Variants in STON2 observed in about 807,000 individuals in gnomAD.
STON2 encodes stonin 2.
A neutral mutation model predicts 65.7 loss-of-function variants in STON2; 29 were observed. That is an observed-to-expected ratio of 0.44 (90% CI 0.33 to 0.60). The LOEUF (loss-of-function observed/expected upper bound fraction) is 0.60. Ranked by LOEUF, STON2 falls within the 20% of genes least tolerant of loss-of-function variation. The pLI is 0.03. For synonymous variants in STON2, 404 were observed against 414.2 expected (o/e 0.98, Z 0.30); for missense variants, 1,054 against 1,118.1 (o/e 0.94, Z 0.82).
At chr14:81,283,617 G>A (rs921198585) in intron 5 of STON2, among the ~76,000 whole-genome samples, 13 of 145,392 alleles carry the variant, frequency 8.9e-5, no homozygotes, top group African/African-American at 3.1e-4. Context: ...TGCAAGTTCC[G>A]CCTCCCGGGT....
rs1281702304 is a variant in STON2, at chr14:81,363,122, A to G, written c.571+7866T>C. Reference sequence around the variant, plus strand: ...AGCCCAGGAAAGAGACTTGGGTTGAATCCCAACTACCCTTTTTATTTGTGT... The same window carrying G: ...AGCCCAGGAAAGAGACTTGGGTTGAGTCCCAACTACCCTTTTTATTTGTGT... On this transcript the variant is annotated intron_variant, in intron 4 of 7. Coordinates refer to ENST00000614646, the MANE Select transcript of STON2 (RefSeq NM_001394390.1). Among the ~76,000 whole-genome samples, 3 of 152,326 alleles carry G rather than the reference A, an allele frequency of 2.0e-5. No individual in the cohort carries two copies. The East Asian group carries it at 5.8e-4, about 29-fold the overall frequency.
chr14:81,389,535 G>A (rs1232357812), intron 3 of STON2, among the ~76,000 whole-genome samples: 1 of 152,198 alleles, frequency 6.6e-6, no homozygotes, highest in Non-Finnish European at 1.5e-5. Context: ...AAATTGATGG[G>A]CAAATCATTT....
rs559661737 is a variant in STON2, at chr14:81,315,963, C to A, written c.742+8054G>T. On this transcript the variant is annotated intron_variant, in intron 5 of 7. Coordinates refer to ENST00000614646, the MANE Select transcript of STON2 (RefSeq NM_001394390.1). ...TAACCAGCTTATCTATCAGTTGGAG[C>A]AGACCCTATATTTTCTGGGCCATTA... is the stretch of plus-strand genomic sequence containing the variant. Among the ~76,000 whole-genome samples, 12 of 152,294 alleles carry A rather than the reference C, an allele frequency of 7.9e-5. No homozygotes were observed. The South Asian group carries it at 2.5e-3, about 32-fold the overall frequency.
intron 5 of STON2, among the ~76,000 whole-genome samples, chr14:81,322,610 T>C (rs190981911): frequency 1.3e-5 from 2 of 152,274 alleles, no homozygotes; most frequent in African/African-American, 2.4e-5. Flanking sequence ...AATGATGACG[T>C]AGTGCTGATT....
At chr14:81,347,515 T>G (rs1388920939) in intron 4 of STON2, among the ~76,000 whole-genome samples, 1 of 151,574 alleles carries the variant, frequency 6.6e-6, no homozygotes, top group Non-Finnish European at 1.5e-5. Context: ...TAACATCAAT[T>G]CTTCTCAAAC....
At position 81,268,015 on chromosome 14, in the gene STON2, C is replaced by T. The variant is rs975669051; in HGVS notation, c.*399G>A. On this transcript the variant is annotated 3_prime_UTR_variant, in exon 8 of 8. Coordinates refer to ENST00000614646, the MANE Select transcript of STON2 (RefSeq NM_001394390.1). Reference sequence around the variant, plus strand: ...AGACTGCCTTTGCCAGAAAGTTATGCGAGTGACAGATGAACATCAGAAGGC... The same window carrying T: ...AGACTGCCTTTGCCAGAAAGTTATGTGAGTGACAGATGAACATCAGAAGGC... 6.6e-5 allele frequency: 65 copies of T among 986,752 alleles called. No homozygotes were observed. Among genetic ancestry groups the T allele is most frequent in the Non-Finnish European group, 7.0e-5 (58 of 830,980 alleles). 61.1% of individuals were successfully genotyped at this position (986,752 alleles called of 1,614,324 possible).
At chr14:81,403,707 T>A (rs574063384), upstream of STON2, among the ~76,000 whole-genome samples, 4 of 152,298 alleles carry the variant, frequency 2.6e-5, no homozygotes, top group African/African-American at 9.6e-5. Flanking sequence ...CAAGCCACGT[T>A]TGAGAGTCAT....
At chr14:81,338,926 G>A (rs1303862739) in intron 4 of STON2, among the ~76,000 whole-genome samples, 1 of 152,160 alleles carries the variant, frequency 6.6e-6, no homozygotes, top group East Asian at 1.9e-4. Flanking sequence ...AGCTGAACCT[G>A]GACAGAAAAG....
chr14:81,404,436 A>C (rs1900750230), upstream of STON2, among the ~76,000 whole-genome samples: 1 of 152,192 alleles, frequency 6.6e-6, no homozygotes, highest in African/African-American at 2.4e-5. Flanking sequence ...TAATTTCACC[A>C]GTTCCTTTCA....
Position 81,398,171 on chromosome 14 carries a change from G to A in STON2, c.88+124C>T, listed in dbSNP as rs1197685326. On this transcript the variant is annotated intron_variant, in intron 2 of 7. Coordinates refer to ENST00000614646, the MANE Select transcript of STON2 (RefSeq NM_001394390.1). Reference sequence around the variant, plus strand: ...GGATTCTAAGATCTCAAGAAAGAAAGTGAGAAACTGACCCTTTTTTCTATA... The same window carrying A: ...GGATTCTAAGATCTCAAGAAAGAAAATGAGAAACTGACCCTTTTTTCTATA... The A allele has an allele frequency of 1.0e-4, 66 of 639,432 alleles. 1 individual carries two copies. The Admixed American group carries it at 2.2e-3, about 21-fold the overall frequency. 39.6% of individuals were successfully genotyped at this position (639,432 alleles called of 1,614,324 possible).
Position 81,262,775 on chromosome 14 carries a change from A to C in STON2, c.*5639T>G. 1.0e-6 allele frequency: 1 copy of C among 985,434 alleles called. No individual in the cohort carries two copies. Among genetic ancestry groups the C allele is most frequent in the Non-Finnish European group, 1.2e-6 (1 of 829,926 alleles). 61.0% of individuals were successfully genotyped at this position (985,434 alleles called of 1,614,324 possible). A position where few individuals can be genotyped will look rare whatever the true frequency, so the allele number is the denominator to read the frequency against. ...TAAGGCACACTAGAAGAAATGTAAAAATCTCACATTCTTGTTCTAGTTAAT... is the reference window on the plus strand; with the variant it reads ...TAAGGCACACTAGAAGAAATGTAAACATCTCACATTCTTGTTCTAGTTAAT... On this transcript the variant is annotated 3_prime_UTR_variant, in exon 8 of 8. Transcript: ENST00000614646.
Position 81,263,187 on chromosome 14 carries a change from T to G in STON2, c.*5227A>C. The G allele has an allele frequency of 4.1e-6, 4 of 984,638 alleles. No individual in the cohort carries two copies. Among genetic ancestry groups the G allele is most frequent in the Non-Finnish European group, 4.8e-6 (4 of 829,216 alleles). 61.0% of individuals were successfully genotyped at this position (984,638 alleles called of 1,614,324 possible). A position where few individuals can be genotyped will look rare whatever the true frequency, so the allele number is the denominator to read the frequency against. On this transcript the variant is annotated 3_prime_UTR_variant, in exon 8 of 8. Coordinates refer to ENST00000614646, the MANE Select transcript of STON2 (RefSeq NM_001394390.1). ...GACCTAAGGCTAGCTTGTCCAACCC[T>G]TGGCCCATGATGGTTTTGAATGTGG...
intron 4 of STON2, among the ~76,000 whole-genome samples, chr14:81,336,117 G>C (rs1897362298): frequency 6.6e-6 from 1 of 152,176 alleles, no homozygotes; most frequent in African/African-American, 2.4e-5. Flanking sequence ...CAGAAGGCAA[G>C]TGAAGCCAGG....
In STON2 at chr14:81,264,166, T is replaced by C. The variant is rs1595258637; in HGVS notation, c.*4248A>G. On this transcript the variant is annotated 3_prime_UTR_variant, in exon 8 of 8. Transcript: ENST00000614646. ...TGACTATGGACAGCATCTATGCTAC[T>C]ATGCTTTGGGGCACAAAAATGTTTT... 2 of 985,466 alleles carry C rather than the reference T, an allele frequency of 2.0e-6. No individual in the cohort carries two copies. Among genetic ancestry groups the C allele is most frequent in the Non-Finnish European group, 1.2e-6 (1 of 829,936 alleles). 61.0% of individuals were successfully genotyped at this position (985,466 alleles called of 1,614,324 possible). A position where few individuals can be genotyped will look rare whatever the true frequency, so the allele number is the denominator to read the frequency against.
chr14:81,414,420 C>T (rs1901319612), intron 2 of STON2, among the ~76,000 whole-genome samples: 1 of 152,092 alleles, frequency 6.6e-6, no homozygotes, highest in Non-Finnish European at 1.5e-5. Flanking sequence ...TTAGAAAGCT[C>T]CATCCAACCT....
At chr14:81,436,262 T>G (rs1213696586) in intron 1 of STON2, 2 of 150,642 alleles carry the variant, frequency 1.3e-5, no homozygotes, top group South Asian at 3.9e-4. Context: ...CCGCTCCACC[T>G]GCGGGGCCCC....
chr14:81,312,831 C>T (rs1896477776), intron 5 of STON2, among the ~76,000 whole-genome samples: 1 of 152,194 alleles, frequency 6.6e-6, no homozygotes, highest in Non-Finnish European at 1.5e-5. Flanking sequence ...GCAATTCAGA[C>T]CACTTTTTGT....
chr14:81,422,860 C>T (rs780021487), intron 2 of STON2, among the ~76,000 whole-genome samples: 8 of 151,842 alleles, frequency 5.3e-5, no homozygotes, highest in African/African-American at 9.7e-5. Flanking sequence ...GGTGAAACCC[C>T]GTCTCTACTA....
intron 5 of STON2, among the ~76,000 whole-genome samples, chr14:81,288,568 CG>C (rs1284687765): frequency 6.6e-6 from 1 of 152,152 alleles, no homozygotes; most frequent in African/African-American, 2.4e-5. Context: ...CTGACATACA[CG>C]TGTTCTGTTG....
Sources: allele counts gnomAD v4.1 joint callset (sites outside exome capture counted in the v4.1 genomes callset), GRCh38; gene constraint gnomAD v4.1.1; transcripts MANE v1.5; gene names NCBI Gene and HGNC (gene_info 2026-07-23, HGNC 2026-07-21).